Variants in LHFPL6 observed in about 807,000 individuals in gnomAD.
The protein encoded by LHFPL6 is LHFPL tetraspan subfamily member 6 protein.
Under a neutral mutation model 20.6 loss-of-function variants are expected in LHFPL6, and 9 were observed. That is an observed-to-expected ratio of 0.44 (90% CI 0.26 to 0.76). The LOEUF (loss-of-function observed/expected upper bound fraction) is 0.76, where lower values mean the gene tolerates loss of function less well. Ranked by LOEUF, LHFPL6 falls within the 30% of genes least tolerant of loss-of-function variation. The pLI is 0.20. For synonymous variants in LHFPL6, 105 were observed against 98.7 expected, an observed-to-expected ratio of 1.06 and a Z score of -0.38; for missense variants, 218 against 253.5, an observed-to-expected ratio of 0.86 and a Z score of 0.95.
intron 2 of LHFPL6, among the ~76,000 whole-genome samples, chr13:39,549,686 T>G (rs1028502994): frequency 1.1e-4 from 17 of 152,208 alleles, no homozygotes; most frequent in East Asian, 3.9e-4. Flanking sequence ...AAATGAAAAC[T>G]TAAGTTCACC....
intron 2 of LHFPL6, among the ~76,000 whole-genome samples, chr13:39,432,708 T>C (rs1304957123): frequency 2.6e-5 from 4 of 152,170 alleles, no homozygotes; most frequent in African/African-American, 9.7e-5. Context: ...AAAAAAATTG[T>C]TTCTCCCTCC....
intron 2 of LHFPL6, among the ~76,000 whole-genome samples, chr13:39,444,037 A>G (rs1872216999): frequency 6.6e-6 from 1 of 152,102 alleles, no homozygotes; most frequent in Non-Finnish European, 1.5e-5. Flanking sequence ...TAAGTCAAGG[A>G]GCATTGGAAA....
At chr13:39,503,934 A>G (rs1593339077) in intron 2 of LHFPL6, among the ~76,000 whole-genome samples, 1 of 152,198 alleles carries the variant, frequency 6.6e-6, no homozygotes, top group South Asian at 2.1e-4. Flanking sequence ...ACAATTAAAC[A>G]TGCTGGCAGA....
chr13:39,519,250 A>AAAAAT lies in LHFPL6; in HGVS notation c.385+81581_385+81582insATTTT, dbSNP rs1266394752. Among the ~76,000 whole-genome samples the AAAAAT allele has an allele frequency of 6.9e-5, 8 of 116,296 alleles. No individual in the cohort carries two copies. The South Asian group carries it at 1.5e-3, about 21-fold the overall frequency. 76.3% of individuals were successfully genotyped at this position (116,296 alleles called of 152,430 possible). ...AAACTCTGTCTCAAAAAATAAAAAT[A>AAAAAT]AAAAAAAAATCAGAGCCAAGTAAGT... On this transcript the variant is annotated intron_variant, in intron 2 of 3. Coordinates refer to ENST00000379589, the MANE Select transcript of LHFPL6 (RefSeq NM_005780.3).
intron 2 of LHFPL6, among the ~76,000 whole-genome samples, chr13:39,464,899 C>A (rs1360109141): frequency 6.6e-6 from 1 of 152,048 alleles, no homozygotes; most frequent in Non-Finnish European, 1.5e-5. Flanking sequence ...AAATCTCAGA[C>A]TCACATACTG....
Position 39,426,450 on chromosome 13 carries a change from C to T in LHFPL6, c.386-47924G>A, listed in dbSNP as rs111545998. ...GGTCAGGCTGGTCTCGAACTCCCGACCTCAGGTGATCCACCCACCTCGGCC... is the reference window on the plus strand; with the variant it reads ...GGTCAGGCTGGTCTCGAACTCCCGATCTCAGGTGATCCACCCACCTCGGCC... On this transcript the variant is annotated intron_variant, in intron 2 of 3. Coordinates refer to ENST00000379589, the MANE Select transcript of LHFPL6 (RefSeq NM_005780.3). 1.0e-3 allele frequency among the ~76,000 whole-genome samples: 155 copies of T among 152,238 alleles called. 1 individual carries two copies. The highest frequency in any genetic ancestry group is 6.8e-3 in the Middle Eastern group (2 of 294).
chr13:39,567,526 T>C (rs996547335), intron 2 of LHFPL6, among the ~76,000 whole-genome samples: 2 of 152,336 alleles, frequency 1.3e-5, no homozygotes, highest in South Asian at 2.1e-4. Flanking sequence ...TGGTCAACTT[T>C]TACGCTTTGT....
chr13:39,408,767 G>T (rs1048020842), intron 2 of LHFPL6, among the ~76,000 whole-genome samples: 8 of 152,216 alleles, frequency 5.3e-5, no homozygotes, highest in Non-Finnish European at 1.2e-4. Flanking sequence ...ACAGAAAGCA[G>T]ATCCAGTTTG....
intron 2 of LHFPL6, among the ~76,000 whole-genome samples, chr13:39,592,644 T>C (rs1012486859): frequency 1.3e-5 from 2 of 152,056 alleles, no homozygotes; most frequent in Non-Finnish European, 1.5e-5. Context: ...CATCCTGATA[T>C]CAAAGCCTGG....
intron 2 of LHFPL6, among the ~76,000 whole-genome samples, chr13:39,588,295 G>A (rs188879991): frequency 1.3e-5 from 2 of 152,252 alleles, no homozygotes; most frequent in Admixed American, 6.5e-5. Flanking sequence ...ATCCCAACAC[G>A]TAGCACATTA....
At chr13:39,555,324 CT>C (rs74344851) in intron 2 of LHFPL6, among the ~76,000 whole-genome samples, 2,070 of 135,004 alleles carry the variant, frequency 0.015, 18 homozygotes, top group African/African-American at 0.039. Flanking sequence ...TCTCCCCGCC[CT>C]TTTTTTTTTT....
chr13:39,442,787 G>A lies in LHFPL6; in HGVS notation c.386-64261C>T, dbSNP rs115962339. On this transcript the variant is annotated intron_variant, in intron 2 of 3. Coordinates refer to ENST00000379589, the MANE Select transcript of LHFPL6 (RefSeq NM_005780.3). The stretch of plus-strand genomic sequence containing the variant: ...TCTCTGCATCATTTGGCAGTATTGA[G>A]AACAATCTCCTTCTTAAAACTCCAT... 1.7e-3 allele frequency among the ~76,000 whole-genome samples: 266 copies of A among 152,142 alleles called. 1 individual carries two copies. The highest frequency in any genetic ancestry group is 6.1e-3 in the African/African-American group (255 of 41,488).
At chr13:39,381,826 CAAAA>C (rs10581776) in intron 2 of LHFPL6, among the ~76,000 whole-genome samples, 1 of 140,488 alleles carries the variant, frequency 7.1e-6, no homozygotes, top group Non-Finnish European at 1.5e-5. Context: ...AATTTATAGA[CAAAA>C]AAAAAAAAAA....
intron 2 of LHFPL6, among the ~76,000 whole-genome samples, chr13:39,387,655 G>A (rs1162947448): frequency 6.6e-6 from 1 of 151,876 alleles, no homozygotes. Flanking sequence ...TACTCAAGTG[G>A]TAGATCCAGG....
intron 2 of LHFPL6, among the ~76,000 whole-genome samples, chr13:39,591,583 T>G (rs777668369): frequency 6.6e-6 from 1 of 152,268 alleles, no homozygotes; most frequent in Non-Finnish European, 1.5e-5. Context: ...TACATGCCAA[T>G]ACTAGTACAA....
At chr13:39,426,788 T>C (rs978961247) in intron 2 of LHFPL6, among the ~76,000 whole-genome samples, 1 of 152,226 alleles carries the variant, frequency 6.6e-6, no homozygotes, top group African/African-American at 2.4e-5. Flanking sequence ...CCATCTGTTC[T>C]TTTATTGATT....
At chr13:39,472,755 C>T (rs1872978882) in intron 2 of LHFPL6, among the ~76,000 whole-genome samples, 1 of 151,970 alleles carries the variant, frequency 6.6e-6, no homozygotes, top group Non-Finnish European at 1.5e-5. Flanking sequence ...ATTACAGACA[C>T]CCGACACCAC....
chr13:39,588,975 C>T (rs1321928637), intron 2 of LHFPL6, among the ~76,000 whole-genome samples: 1 of 152,028 alleles, frequency 6.6e-6, no homozygotes, highest in Non-Finnish European at 1.5e-5. Flanking sequence ...ATACATGGTG[C>T]TATTTGATTA....
intron 2 of LHFPL6, among the ~76,000 whole-genome samples, chr13:39,486,515 G>A (rs1306222028): frequency 2.0e-5 from 3 of 152,140 alleles, no homozygotes; most frequent in Non-Finnish European, 2.9e-5. Context: ...GGCAAATAGT[G>A]GTTACTTATA....
Sources: gnomAD v4.1 joint callset for allele counts (sites outside exome capture counted in the v4.1 genomes callset) on GRCh38, gnomAD v4.1.1 for gene constraint, MANE v1.5 for transcripts, NCBI Gene and HGNC (gene_info 2026-07-23, HGNC 2026-07-21) for gene names.